DGAT1: variants seen among roughly 807,000 people sequenced by gnomAD.
The protein encoded by DGAT1 is diacylglycerol O-acyltransferase 1, also known as ACAT related gene product 1.
A neutral mutation model predicts 72.6 loss-of-function variants in DGAT1; 60 were observed. The ratio of observed to expected loss-of-function variants is 0.83; its 90% CI spans 0.67 to 1.02. DGAT1 has a LOEUF of 1.02. DGAT1 is among the 50% of genes least tolerant of loss of function. DGAT1 has a pLI of 0.00. For missense variants in DGAT1, 592 were observed against 670.0 expected (o/e 0.88, Z 1.29); for synonymous variants, 290 against 267.5 (o/e 1.08, Z -0.82).
chr8:144,326,604 C>T lies in DGAT1; in HGVS notation c.33G>A (p.Arg11=). 1.6e-6 allele frequency: 2 copies of T among 1,215,550 alleles called. No homozygotes were observed. The highest frequency in any genetic ancestry group is 2.0e-6 in the Non-Finnish European group (2 of 977,512). 75.3% of individuals were successfully genotyped at this position (1,215,550 alleles called of 1,614,324 possible). A position where few individuals can be genotyped will look rare whatever the true frequency, so the allele number is the denominator to read the frequency against. MGDRGSSRRR[R]TGSRPSSHGG... ...CGTGGCTCGAGGGCCGCGACCCTGT[C>T]CTCCGGCGCCGGGAGCTGCCGCGGT... is the stretch of plus-strand genomic sequence containing the variant. The change falls in exon 1 of 17, where the codon AGG becomes AGA. Residue 11 remains arginine, a synonymous_variant. Coordinates refer to ENST00000528718, the MANE Select transcript of DGAT1 (RefSeq NM_012079.6).
Position 144,318,555 on chromosome 8 carries a change from C to G in DGAT1, c.480G>C (p.Thr160=). 6.2e-7 allele frequency: 1 copy of G among 1,612,058 alleles called. No individual in the cohort carries two copies. Among genetic ancestry groups the G allele is most frequent in the Non-Finnish European group, 8.5e-7 (1 of 1,179,820 alleles). The part of the protein sequence containing the change: ...VEKRLAVGAL[T]EQAGLLLHVA... ...CGTGCAGCAGCAGTCCCGCCTGCTC[C>G]GTCAGGGCACCCTGGAGTGGGGAGC... is the stretch of plus-strand genomic sequence containing the variant. The change falls in exon 6 of 17, where the codon ACG becomes ACC. Residue 160 remains threonine (T), a synonymous_variant. Coordinates refer to ENST00000528718, the MANE Select transcript of DGAT1 (RefSeq NM_012079.6).
rs1205104526 is a variant in DGAT1, at chr8:144,317,066, T to C, written c.1204A>G (p.Met402Val). 6.2e-6 allele frequency: 10 copies of C among 1,612,742 alleles called. No homozygotes were observed. Among genetic ancestry groups the C allele is most frequent in the Non-Finnish European group, 8.5e-6 (10 of 1,179,938 alleles). Reference protein sequence around the residue: ...PMLRRGSSKWMARTGVFLASA... With the variant: ...PMLRRGSSKWVARTGVFLASA... ...GCCAGGAACACCCCTGTCCTGGCCATCCACTTGCTGCTGCCCCGTCGAAGC... is the reference window on the plus strand; with the variant it reads ...GCCAGGAACACCCCTGTCCTGGCCACCCACTTGCTGCTGCCCCGTCGAAGC... Residue 402 changes from methionine to valine, a missense_variant, in exon 15 of 17, where the codon ATG becomes GTG. Physicochemically the swap from Met to Val is conservative, Grantham distance 21 (BLOSUM62 1). Coordinates refer to ENST00000528718, the MANE Select transcript of DGAT1 (RefSeq NM_012079.6).
At position 144,317,875 on chromosome 8, in the gene DGAT1, C is replaced by T; in HGVS notation, c.855+39G>A. 2.6e-6 allele frequency: 4 copies of T among 1,568,068 alleles called. 1 individual carries two copies. Among genetic ancestry groups the T allele is most frequent in the Non-Finnish European group, 3.5e-6 (4 of 1,156,520 alleles). On this transcript the variant is annotated intron_variant, in intron 9 of 16. Transcript: ENST00000528718. ...TGAGGCCCTGGCTAGCCAGAAGGCC[C>T]CCTAGCCTCCAGTGGCTGCCCCCAG...
chr8:144,326,772 C>A lies in DGAT1; in HGVS notation c.-136G>T. 1 of 727,832 alleles carries A rather than the reference C, an allele frequency of 1.4e-6. No individual in the cohort carries two copies. The highest frequency in any genetic ancestry group is 1.8e-6 in the Non-Finnish European group (1 of 570,444). 45.1% of individuals were successfully genotyped at this position (727,832 alleles called of 1,614,324 possible). A position where few individuals can be genotyped will look rare whatever the true frequency, so the allele number is the denominator to read the frequency against. Reference sequence around the variant, plus strand: ...CCGGCCGCCGTAGCCCGGGTGACCGCCTCACCAGCGCGTTCAACCCGCCCG... The same window carrying A: ...CCGGCCGCCGTAGCCCGGGTGACCGACTCACCAGCGCGTTCAACCCGCCCG... On this transcript the variant is annotated 5_prime_UTR_variant, in exon 1 of 17. Transcript: ENST00000528718.
intron 2 of DGAT1, among the ~76,000 whole-genome samples, chr8:144,320,152 A>G (rs1043438921): frequency 1.3e-5 from 2 of 152,200 alleles, no homozygotes; most frequent in Non-Finnish European, 2.9e-5. Context: ...CCACAGAAGG[A>G]ATGCAACAAG....
At chr8:144,322,406 G>A (rs544802868) in intron 1 of DGAT1, among the ~76,000 whole-genome samples, 3 of 152,274 alleles carry the variant, frequency 2.0e-5, no homozygotes, top group South Asian at 4.1e-4. Flanking sequence ...TTTCCCTCCC[G>A]CACACGCACA....
rs1250068857 is a variant in DGAT1, at chr8:144,315,068, C to G, written c.*1486G>C. ...CTGTGTAGGCACGGGGAACGGGAGC[C>G]TGTCCCGTAGCTTTAGGGTTCTCCA... On this transcript the variant is annotated 3_prime_UTR_variant, in exon 17 of 17. Transcript: ENST00000528718. The G allele has an allele frequency of 1.5e-5, 15 of 985,350 alleles. 1 individual carries two copies. The African/African-American group carries it at 2.6e-4, about 17-fold the overall frequency. 61.0% of individuals were successfully genotyped at this position (985,350 alleles called of 1,614,324 possible).
In DGAT1 at chr8:144,315,191, G is replaced by A. The variant is rs1554846693; in HGVS notation, c.*1363C>T. 1.0e-6 allele frequency: 1 copy of A among 985,492 alleles called. No homozygotes were observed. The highest frequency in any genetic ancestry group is 1.2e-6 in the Non-Finnish European group (1 of 829,938). The allele number at this position is 985,492 out of a possible 1,614,324, so 61.0% of individuals were successfully genotyped here. On this transcript the variant is annotated 3_prime_UTR_variant, in exon 17 of 17. Coordinates refer to ENST00000528718, the MANE Select transcript of DGAT1 (RefSeq NM_012079.6). ...CAACAGTTTGTTCTCGAGCTCCACT[G>A]GCCAACTGATAGGGAGAGGCACAGG...
intron 2 of DGAT1, among the ~76,000 whole-genome samples, chr8:144,320,236 G>A (rs1554847959): frequency 6.6e-6 from 1 of 152,240 alleles, no homozygotes; most frequent in African/African-American, 2.4e-5. Flanking sequence ...TCAGGGCTGG[G>A]CCAAAGGGCC....
In DGAT1 at chr8:144,319,079, T is replaced by G. The variant is rs781893036; in HGVS notation, c.289-11A>C. 6.4e-7 allele frequency: 1 copy of G among 1,552,994 alleles called. No individual in the cohort carries two copies. The highest frequency in any genetic ancestry group is 1.2e-5 in the South Asian group (1 of 84,136). ...GGCATTGCTCAAGATCTGCGAGGGA[T>G]GGACAGGAGGGTGCAGCCCCTTTAG... On this transcript the variant is annotated splice_polypyrimidine_tract_variant and intron_variant, in intron 2 of 16. Transcript: ENST00000528718.
At position 144,321,319 on chromosome 8, in the gene DGAT1, A is replaced by AC; in HGVS notation, c.288+1dup. The AC allele has an allele frequency of 6.2e-7, 1 of 1,613,772 alleles. No homozygotes were observed. Among genetic ancestry groups the AC allele is most frequent in the Non-Finnish European group, 8.5e-7 (1 of 1,179,794 alleles). The stretch of plus-strand genomic sequence containing the variant: ...CCGCTCCCGACACCATGTCCCACTC[A>AC]CCAGCATCACCACACACCAGTTCAG... On this transcript the variant is annotated splice_donor_variant, in intron 2 of 16. Transcript: ENST00000528718. LOFTEE classifies it high-confidence loss of function.
Position 144,317,424 on chromosome 8 carries a change from G to A in DGAT1, c.1003C>T (p.Leu335Phe), listed in dbSNP as rs782741492. 11 of 1,613,902 alleles carry A rather than the reference G, an allele frequency of 6.8e-6. No individual in the cohort carries two copies. The highest frequency in any genetic ancestry group is 9.3e-6 in the Non-Finnish European group (11 of 1,179,990). Residue 335 changes from leucine (L) to phenylalanine (F), a missense_variant, in exon 13 of 17, where the codon CTC becomes TTC. Physicochemically the swap from Leu to Phe is conservative, Grantham distance 22 (BLOSUM62 0). Transcript: ENST00000528718. ...KLAVPNHLIW[L>F]IFFYWLFHSC... ...TGGAAGAGCCAGTAGAAGAAGATGA[G>A]CCAGATGAGGTGATTGGGGACCTGG...
At chr8:144,326,402 TG>T in intron 1 of DGAT1, 34 bp downstream of exon 1, 1 of 1,382,558 alleles carries the variant, frequency 7.2e-7, no homozygotes. Context: ...GCGGGGCCCT[TG>T]GGTCAGAGGT....
rs541041759 is a variant in DGAT1, at chr8:144,317,254, T to TG, written c.1095-3dup. 7.3e-4 allele frequency: 1,183 copies of TG among 1,610,528 alleles called. No individual in the cohort carries two copies. The highest frequency in any genetic ancestry group is 9.6e-4 in the Non-Finnish European group (1,125 of 1,177,674). ...AAGTAGGTGACAGACTCGGAGTTCC[T>TG]GGGGGCCAAGAGACCACAGGGGGAT... On this transcript the variant is annotated splice_region_variant and splice_polypyrimidine_tract_variant and intron_variant, in intron 13 of 16. Coordinates refer to ENST00000528718, the MANE Select transcript of DGAT1 (RefSeq NM_012079.6).
chr8:144,325,758 C>A (rs1277175874), intron 1 of DGAT1, among the ~76,000 whole-genome samples: 1 of 152,252 alleles, frequency 6.6e-6, no homozygotes, highest in Non-Finnish European at 1.5e-5. Context: ...CACTCCCCAC[C>A]TGGAGGATGG....
At position 144,315,637 on chromosome 8, in the gene DGAT1, T is replaced by G. The variant is rs1356338763; in HGVS notation, c.*917A>C. The G allele has an allele frequency of 1.0e-6, 1 of 984,214 alleles. No individual in the cohort carries two copies. Among genetic ancestry groups the G allele is most frequent in the Non-Finnish European group, 1.2e-6 (1 of 828,912 alleles). 61.0% of individuals were successfully genotyped at this position (984,214 alleles called of 1,614,324 possible). A position where few individuals can be genotyped will look rare whatever the true frequency, so the allele number is the denominator to read the frequency against. On this transcript the variant is annotated 3_prime_UTR_variant, in exon 17 of 17. Transcript: ENST00000528718. Reference sequence around the variant, plus strand: ...ATCCAGCTTGGTGGATTGCAGGGCCTGGGAACAAGGTGTCCTGAAGGCTGC... The same window carrying G: ...ATCCAGCTTGGTGGATTGCAGGGCCGGGGAACAAGGTGTCCTGAAGGCTGC...
intron 2 of DGAT1, among the ~76,000 whole-genome samples, chr8:144,319,982 A>G (rs973460220): frequency 6.6e-6 from 1 of 152,174 alleles, no homozygotes; most frequent in Non-Finnish European, 1.5e-5. Context: ...AGACTGCTTC[A>G]GAGACACAAG....
chr8:144,315,579 G>C lies in DGAT1; in HGVS notation c.*975C>G, dbSNP rs1588678267. On this transcript the variant is annotated 3_prime_UTR_variant, in exon 17 of 17. Coordinates refer to ENST00000528718, the MANE Select transcript of DGAT1 (RefSeq NM_012079.6). ...GCAGCAGGGCCCTGGGGTTACCCCT[G>C]ACCTCCCGCTACCATCAAGGGGGGC... 1 of 985,646 alleles carries C rather than the reference G, an allele frequency of 1.0e-6. No individual in the cohort carries two copies. Among genetic ancestry groups the C allele is most frequent in the Non-Finnish European group, 1.2e-6 (1 of 830,080 alleles). The allele number at this position is 985,646 out of a possible 1,614,324, so 61.1% of individuals were successfully genotyped here. A position where few individuals can be genotyped will look rare whatever the true frequency, so the allele number is the denominator to read the frequency against.
At chr8:144,324,696 G>T (rs1817550223) in intron 1 of DGAT1, among the ~76,000 whole-genome samples, 1 of 152,140 alleles carries the variant, frequency 6.6e-6, no homozygotes, top group African/African-American at 2.4e-5. Flanking sequence ...AAGCAAGAAG[G>T]TGACTGCTCT....
Sources: allele counts gnomAD v4.1 joint callset (sites outside exome capture counted in the v4.1 genomes callset), GRCh38; gene constraint gnomAD v4.1.1; transcripts MANE v1.5; gene names NCBI Gene and HGNC (gene_info 2026-07-23, HGNC 2026-07-21).